Variants in GRM8 observed in about 807,000 individuals in gnomAD.
The protein encoded by GRM8 is metabotropic glutamate receptor 8.
Under a neutral mutation model 87.2 loss-of-function variants are expected in GRM8, and 47 were observed. The observed-to-expected ratio is 0.54, with a 90% CI of 0.43 to 0.69. GRM8 has a LOEUF of 0.69. Among genes scored for constraint, GRM8 ranks in the 30% least tolerant of loss-of-function variants. The probability of loss-of-function intolerance (pLI) is 0.00; values close to 1 mark genes in which losing one functional copy is unlikely to be tolerated. For missense variants in GRM8, 1,019 were observed against 1,139.2 expected (o/e 0.89, Z 1.52); for synonymous variants, 396 against 404.5 (o/e 0.98, Z 0.25).
At chr7:127,162,835 T>C (rs71578217) in intron 2 of GRM8, among the ~76,000 whole-genome samples, 239 of 152,304 alleles carry the variant, frequency 1.6e-3, no homozygotes, top group Admixed American at 2.8e-3. Flanking sequence ...GGCTAGCATA[T>C]TAAAATATAG....
chr7:126,480,140 T>G (rs549630601), intron 9 of GRM8, among the ~76,000 whole-genome samples: 82 of 152,118 alleles, frequency 5.4e-4, no homozygotes, highest in Non-Finnish European at 1.1e-3. Context: ...ATTCCAGCAC[T>G]TTGGGAGGCA....
At chr7:126,826,759 G>A (rs1794844415) in intron 6 of GRM8, among the ~76,000 whole-genome samples, 1 of 152,046 alleles carries the variant, frequency 6.6e-6, no homozygotes. Context: ...TGTTGCCATT[G>A]CTTTTGGTGT....
At position 127,197,078 on chromosome 7, in the gene GRM8, T is replaced by A. The variant is rs566808707; in HGVS notation, c.510+45617A>T. On this transcript the variant is annotated intron_variant, in intron 2 of 10. Transcript: ENST00000339582. ...GCTCTAACTATTAGCTATATATTTT[T>A]ATTGTAATTCTGAATTCACTAATAT... Among the ~76,000 whole-genome samples, 17 of 152,304 alleles carry A rather than the reference T, an allele frequency of 1.1e-4. No homozygotes were observed. The South Asian group carries it at 3.3e-3, about 30-fold the overall frequency.
intron 8 of GRM8, among the ~76,000 whole-genome samples, chr7:126,586,396 A>G (rs1041436475): frequency 1.1e-4 from 16 of 152,228 alleles, no homozygotes; most frequent in Non-Finnish European, 2.1e-4. Context: ...AAAAGAACAA[A>G]GCTGGAGGCA....
chr7:126,652,174 T>G (rs1803972942), intron 7 of GRM8, among the ~76,000 whole-genome samples: 2 of 152,260 alleles, frequency 1.3e-5, no homozygotes, highest in Non-Finnish European at 2.9e-5. Context: ...TGACATCAGA[T>G]TTACTTCATA....
At chr7:126,876,736 G>T (rs1799554256) in intron 6 of GRM8, among the ~76,000 whole-genome samples, 2 of 152,032 alleles carry the variant, frequency 1.3e-5, no homozygotes, top group Admixed American at 6.6e-5. Flanking sequence ...TTTTCAATGT[G>T]GCCTAAAAAT....
chr7:126,689,272 G>C (rs552340672), intron 7 of GRM8, among the ~76,000 whole-genome samples: 95 of 152,266 alleles, frequency 6.2e-4, no homozygotes, highest in Middle Eastern at 6.8e-3. Context: ...AAATGATTCT[G>C]TGGAATTTGT....
rs532570214 is a variant in GRM8 at position 126,894,376 on chromosome 7, G to A, written c.1156+8166C>T. The stretch of plus-strand genomic sequence containing the variant: ...GAGTTCTTCAGTGTAATATTCCAGA[G>A]ATTGTGTTTATTCAGATACATTCAT... On this transcript the variant is annotated intron_variant, in intron 6 of 10. Transcript: ENST00000339582. 7.5e-4 allele frequency among the ~76,000 whole-genome samples: 114 copies of A among 152,110 alleles called. 1 individual carries two copies. The highest frequency in any genetic ancestry group is 1.5e-3 in the Admixed American group (23 of 15,246).
intron 3 of GRM8, among the ~76,000 whole-genome samples, chr7:127,057,587 T>C (rs1428721788): frequency 6.6e-6 from 1 of 152,186 alleles, no homozygotes; most frequent in Non-Finnish European, 1.5e-5. Context: ...TCATTTCTCC[T>C]TTTTAACATA....
At chr7:126,575,805 C>T (rs1259178223) in intron 8 of GRM8, among the ~76,000 whole-genome samples, 2 of 152,078 alleles carry the variant, frequency 1.3e-5, no homozygotes, top group East Asian at 1.9e-4. Flanking sequence ...ATGAGTTTTG[C>T]TTTCTTTCTT....
chr7:126,660,085 G>C (rs1376563928), intron 7 of GRM8, among the ~76,000 whole-genome samples: 1 of 151,940 alleles, frequency 6.6e-6, no homozygotes. Context: ...TTTGTTTTTG[G>C]TGACAAGTTT....
intron 8 of GRM8, among the ~76,000 whole-genome samples, chr7:126,603,941 C>T (rs1798081161): frequency 6.6e-6 from 1 of 151,878 alleles, no homozygotes; most frequent in Non-Finnish European, 1.5e-5. Flanking sequence ...TAATATTTTT[C>T]ATTATATAAA....
intron 2 of GRM8, among the ~76,000 whole-genome samples, chr7:127,145,062 A>G (rs1476909408): frequency 6.6e-6 from 1 of 152,170 alleles, no homozygotes; most frequent in Non-Finnish European, 1.5e-5. Context: ...AAAAGTCAAC[A>G]TATTAAGTAT....
chr7:127,123,089 T>C (rs2133189328), intron 2 of GRM8, among the ~76,000 whole-genome samples: 1 of 152,270 alleles, frequency 6.6e-6, no homozygotes, highest in Non-Finnish European at 1.5e-5. Flanking sequence ...CCCTGCTAAG[T>C]GGCTACTATT....
chr7:126,549,731 T>C (rs1792370990), intron 8 of GRM8, among the ~76,000 whole-genome samples: 1 of 152,142 alleles, frequency 6.6e-6, no homozygotes, highest in Non-Finnish European at 1.5e-5. Flanking sequence ...TCAGAAAATA[T>C]AACATTTAAA....
At chr7:127,105,683 T>C (rs922454688) in intron 3 of GRM8, among the ~76,000 whole-genome samples, 3 of 152,216 alleles carry the variant, frequency 2.0e-5, no homozygotes, top group East Asian at 1.9e-4. Flanking sequence ...ATTACTCTTA[T>C]AGAAAAATTC....
intron 3 of GRM8, among the ~76,000 whole-genome samples, chr7:126,917,421 G>T (rs956496511): frequency 6.6e-6 from 1 of 151,446 alleles, no homozygotes; most frequent in African/African-American, 2.4e-5. Flanking sequence ...ACACACACAC[G>T]ATTCTATTAC....
chr7:127,078,658 T>C (rs942025379), intron 3 of GRM8, among the ~76,000 whole-genome samples: 2 of 152,238 alleles, frequency 1.3e-5, no homozygotes, highest in Non-Finnish European at 1.5e-5. Flanking sequence ...GATATCAACC[T>C]GAGAAGATGG....
At position 127,099,291 on chromosome 7, in the gene GRM8, GCAACT is replaced by G; in HGVS notation, c.727+7200_727+7204del. On this transcript the variant is annotated intron_variant, in intron 3 of 10. Coordinates refer to ENST00000339582, the MANE Select transcript of GRM8 (RefSeq NM_000845.3). ...TGTAACACGTAGGTCTTAACCAGCAGCAACTAAGCTATTCCCTTCCCTCAGGCCAA... is the reference window on the plus strand; with the variant it reads ...TGTAACACGTAGGTCTTAACCAGCAGAAGCTATTCCCTTCCCTCAGGCCAA... Among the ~76,000 whole-genome samples the G allele has an allele frequency of 1.3e-5, 2 of 152,296 alleles. 1 individual carries two copies. The highest frequency in any genetic ancestry group is 4.1e-4 in the South Asian group (2 of 4,828).
Sources: gnomAD v4.1 joint callset for allele counts (sites outside exome capture counted in the v4.1 genomes callset) on GRCh38, gnomAD v4.1.1 for gene constraint, MANE v1.5 for transcripts, NCBI Gene and HGNC (gene_info 2026-07-23, HGNC 2026-07-21) for gene names.